The following JAKMIP2 variants were observed in gnomAD, a reference collection of about 807,000 sequenced individuals.
JAKMIP2 encodes janus kinase and microtubule-interacting protein 2.
In JAKMIP2, 25 loss-of-function variants were observed where a neutral mutation model predicts 115.0. The observed-to-expected ratio is 0.22, with a 90% CI of 0.16 to 0.30. The LOEUF is 0.30. Among genes scored for constraint, JAKMIP2 ranks in the 10% least tolerant of loss-of-function variants. The pLI, the probability that JAKMIP2 is intolerant of heterozygous loss-of-function variation, is 1.00. For synonymous variants in JAKMIP2, 334 were observed against 343.6 expected (o/e 0.97, Z 0.31); for missense variants, 642 against 957.6 (o/e 0.67, Z 4.35).
At chr5:147,741,454 G>A (rs1015090969) in intron 1 of JAKMIP2, among the ~76,000 whole-genome samples, 3 of 151,934 alleles carry the variant, frequency 2.0e-5, no homozygotes, top group Non-Finnish European at 2.9e-5. Flanking sequence ...TATATAACTT[G>A]TTTAATATAT....
In JAKMIP2 at chr5:147,661,256, G is replaced by T. The variant is rs937568491; in HGVS notation, c.319C>A (p.Arg107Ser). 6.2e-7 allele frequency: 1 copy of T among 1,613,674 alleles called. No individual in the cohort carries two copies. The highest frequency in any genetic ancestry group is 8.5e-7 in the Non-Finnish European group (1 of 1,179,966). The change falls in exon 3 of 22, where the codon CGT becomes AGT. Residue 107 changes from arginine to serine, a missense_variant. By Grantham distance (110) the Arg-to-Ser change is moderately radical (BLOSUM62 -1). Transcript: ENST00000616793. ...TTGAGCCTCTGGATCTCTCCATCAC[G>T]TACCTTCACCGTCCTTGACATTTCC... ...EQEMSRTVKVRDGEIQRLKSA... is the reference protein window; with the variant it reads ...EQEMSRTVKVSDGEIQRLKSA...
chr5:147,734,056 G>A (rs1290094628), intron 1 of JAKMIP2, among the ~76,000 whole-genome samples: 1 of 152,128 alleles, frequency 6.6e-6, no homozygotes, highest in East Asian at 1.9e-4. Context: ...CTTCCACAAT[G>A]GTTGAACTAA....
In JAKMIP2 at chr5:147,675,782, CATTTTTT is replaced by C. The variant is rs1291836718; in HGVS notation, c.-148-3835_-148-3829del. The stretch of plus-strand genomic sequence containing the variant: ...ATTTTGTATAAGTGGAATCATATGA[CATTTTTT>C]TTTTTTTTTTTTTTTTGTGACTGGC... On this transcript the variant is annotated intron_variant, in intron 1 of 21. Coordinates refer to ENST00000616793, the MANE Select transcript of JAKMIP2 (RefSeq NM_001270941.2). Among the ~76,000 whole-genome samples the C allele has an allele frequency of 5.8e-4, 73 of 126,794 alleles. 1 individual carries two copies. Among genetic ancestry groups the C allele is most frequent in the African/African-American group, 2.0e-3 (65 of 32,532 alleles). The allele number at this position is 126,794 out of a possible 152,430, so 83.2% of individuals were successfully genotyped here.
intron 2 of JAKMIP2, among the ~76,000 whole-genome samples, chr5:147,666,732 T>C (rs1759316284): frequency 6.6e-6 from 1 of 152,226 alleles, no homozygotes; most frequent in African/African-American, 2.4e-5. Flanking sequence ...TATTTGCACC[T>C]GAAACCTTGC....
intron 20 of JAKMIP2, among the ~76,000 whole-genome samples, 154 bp from the exon 21 acceptor site, chr5:147,601,965 T>C (rs539948658): frequency 2.4e-4 from 37 of 152,336 alleles, no homozygotes; most frequent in African/African-American, 7.0e-4. Flanking sequence ...ACACCTTTTA[T>C]GTAGCTACTG....
intron 1 of JAKMIP2, among the ~76,000 whole-genome samples, chr5:147,714,577 AT>A (rs914892571): frequency 6.6e-6 from 1 of 152,122 alleles, no homozygotes; most frequent in Non-Finnish European, 1.5e-5. Flanking sequence ...TAAAGGCTAA[AT>A]TTTTTTTAGA....
chr5:147,626,450 C>A (rs1757102339), intron 16 of JAKMIP2, among the ~76,000 whole-genome samples: 1 of 152,182 alleles, frequency 6.6e-6, no homozygotes, highest in African/African-American at 2.4e-5. Context: ...GAGTTTGGTG[C>A]AAGACGTAAG....
At chr5:147,754,431 T>A (rs999168416) in intron 1 of JAKMIP2, among the ~76,000 whole-genome samples, 12 of 152,040 alleles carry the variant, frequency 7.9e-5, no homozygotes, top group African/African-American at 2.7e-4. Context: ...CATGCTATAA[T>A]AGAAGGATTA....
intron 3 of JAKMIP2, among the ~76,000 whole-genome samples, chr5:147,653,868 A>G (rs942094343): frequency 6.6e-5 from 10 of 152,164 alleles, no homozygotes; most frequent in Non-Finnish European, 5.9e-5. Flanking sequence ...TCTTTAATCC[A>G]TCTTGAGTTA....
intron 16 of JAKMIP2, among the ~76,000 whole-genome samples, chr5:147,627,756 A>C (rs1757169786): frequency 6.7e-6 from 1 of 148,824 alleles, no homozygotes; most frequent in African/African-American, 2.5e-5. Flanking sequence ...TACTTTTGTC[A>C]TCTGATACCC....
chr5:147,635,466 A>T (rs1489707733), intron 12 of JAKMIP2, among the ~76,000 whole-genome samples: 1 of 152,200 alleles, frequency 6.6e-6, no homozygotes, highest in Non-Finnish European at 1.5e-5. Flanking sequence ...GTGGGAATCT[A>T]AGCCTATGCT....
intron 1 of JAKMIP2, among the ~76,000 whole-genome samples, chr5:147,738,022 T>G (rs1298869798): frequency 6.6e-6 from 1 of 152,100 alleles, no homozygotes; most frequent in African/African-American, 2.4e-5. Flanking sequence ...AACAATTTAT[T>G]TAGAATAAAA....
chr5:147,614,654 C>T lies in JAKMIP2; in HGVS notation c.2347-2283G>A, dbSNP rs1187954154. Among the ~76,000 whole-genome samples, 6 of 152,078 alleles carry T rather than the reference C, an allele frequency of 3.9e-5. No homozygotes were observed. In the East Asian group the frequency reaches 1.2e-3, roughly 29 times the overall value. On this transcript the variant is annotated intron_variant, in intron 19 of 21. Coordinates refer to ENST00000616793, the MANE Select transcript of JAKMIP2 (RefSeq NM_001270941.2). ...AATGTAAAAATGATCTCCATGGTCC[C>T]CTGAGTTTAAGCGGGTGGGGAAGAA...
intron 1 of JAKMIP2, among the ~76,000 whole-genome samples, chr5:147,712,287 C>T (rs1752812273): frequency 6.6e-6 from 1 of 151,802 alleles, no homozygotes; most frequent in Non-Finnish European, 1.5e-5. Flanking sequence ...AGTTCGTCAG[C>T]CCAGGGAAAG....
intron 3 of JAKMIP2, among the ~76,000 whole-genome samples, chr5:147,653,091 C>T (rs990377172): frequency 1.3e-5 from 2 of 152,062 alleles, no homozygotes; most frequent in Non-Finnish European, 2.9e-5. Context: ...ACTGCATTTT[C>T]CTTATTCAGT....
chr5:147,708,402 T>A (rs1752659211), intron 1 of JAKMIP2, among the ~76,000 whole-genome samples: 1 of 152,136 alleles, frequency 6.6e-6, no homozygotes, highest in East Asian at 1.9e-4. Flanking sequence ...CATCTTCATT[T>A]TTAGGAGGCT....
intron 1 of JAKMIP2, among the ~76,000 whole-genome samples, chr5:147,716,644 T>C (rs1444455475): frequency 6.6e-6 from 1 of 150,624 alleles, no homozygotes; most frequent in Non-Finnish European, 1.5e-5. Flanking sequence ...AAATGTCTTC[T>C]TTTGAGAAGT....
At chr5:147,616,001 A>G (rs1756558345) in intron 19 of JAKMIP2, among the ~76,000 whole-genome samples, 1 of 152,192 alleles carries the variant, frequency 6.6e-6, no homozygotes, top group African/African-American at 2.4e-5. Context: ...GTGGTGCTGT[A>G]TTAATGCTTA....
At chr5:147,742,150 TA>T (rs1413009082) in intron 1 of JAKMIP2, among the ~76,000 whole-genome samples, 4 of 112,822 alleles carry the variant, frequency 3.5e-5, no homozygotes, top group Non-Finnish European at 5.2e-5. Context: ...TATATATATA[TA>T]TATATTTTTT....
Sources: allele counts gnomAD v4.1 joint callset (sites outside exome capture counted in the v4.1 genomes callset), GRCh38; gene constraint gnomAD v4.1.1; transcripts MANE v1.5; gene names NCBI Gene and HGNC (gene_info 2026-07-23, HGNC 2026-07-21).